The following ZBTB38 variants were observed in gnomAD, a reference collection of about 807,000 sequenced individuals.
ZBTB38 encodes the protein zinc finger and BTB domain-containing protein 38.
In ZBTB38, 20 loss-of-function variants were observed where a neutral mutation model predicts 76.8. That is an observed-to-expected ratio of 0.26 (90% CI 0.18 to 0.38). The LOEUF (loss-of-function observed/expected upper bound fraction) is 0.38. ZBTB38 is among the 10% of genes least tolerant of loss of function. ZBTB38 has a pLI of 1.00. For synonymous variants in ZBTB38, 504 were observed against 544.2 expected, an observed-to-expected ratio of 0.93 and a Z score of 1.03; for missense variants, 1,082 against 1,482.3, an observed-to-expected ratio of 0.73 and a Z score of 4.43.
intron 2 of ZBTB38, among the ~76,000 whole-genome samples, chr3:141,379,745 G>C (rs1945929294): frequency 1.3e-5 from 2 of 152,200 alleles, no homozygotes; most frequent in African/African-American, 4.8e-5. Context: ...GCAAACCAAA[G>C]AGGATAAAGG....
intron 1 of ZBTB38, among the ~76,000 whole-genome samples, chr3:141,325,726 A>G (rs954832793): frequency 6.6e-6 from 1 of 152,246 alleles, no homozygotes; most frequent in African/African-American, 2.4e-5. Flanking sequence ...TGTTTGCTAG[A>G]CTAATTGAGA....
At chr3:141,437,338 C>T (rs1314196559) in intron 5 of ZBTB38, among the ~76,000 whole-genome samples, 1 of 152,206 alleles carries the variant, frequency 6.6e-6, no homozygotes, top group Non-Finnish European at 1.5e-5. Flanking sequence ...CATACCACGT[C>T]CTTCTGCCTC....
chr3:141,331,496 GAT>G (rs1942850823), intron 1 of ZBTB38, among the ~76,000 whole-genome samples: 1 of 152,174 alleles, frequency 6.6e-6, no homozygotes, highest in Non-Finnish European at 1.5e-5. Flanking sequence ...GTACAGCACT[GAT>G]GTTTATGCCT....
At chr3:141,330,052 A>G (rs1942799665) in intron 1 of ZBTB38, among the ~76,000 whole-genome samples, 1 of 152,010 alleles carries the variant, frequency 6.6e-6, no homozygotes, top group Non-Finnish European at 1.5e-5. Flanking sequence ...TATTTTATAT[A>G]TATAAAATAA....
chr3:141,409,134 C>T (rs756153164), intron 5 of ZBTB38, among the ~76,000 whole-genome samples: 14 of 152,152 alleles, frequency 9.2e-5, no homozygotes, highest in Non-Finnish European at 2.1e-4. Context: ...CAACCTTTGC[C>T]TCCCGGGTTC....
upstream of ZBTB38, among the ~76,000 whole-genome samples, chr3:141,365,382 G>A (rs770112023): frequency 2.6e-4 from 40 of 152,136 alleles, no homozygotes; most frequent in Non-Finnish European, 5.0e-4. Flanking sequence ...TTGCTGGTGC[G>A]GACTCTCTGC....
intron 1 of ZBTB38, among the ~76,000 whole-genome samples, chr3:141,340,757 T>G (rs1486774675): frequency 6.6e-6 from 1 of 151,146 alleles, no homozygotes; most frequent in Non-Finnish European, 1.5e-5. Flanking sequence ...ATTAGCCGGG[T>G]GTGGTGGCGG....
chr3:141,331,640 T>C (rs1233405015), intron 1 of ZBTB38, among the ~76,000 whole-genome samples: 1 of 152,224 alleles, frequency 6.6e-6, no homozygotes, highest in Non-Finnish European at 1.5e-5. Flanking sequence ...TAGGAGAGAC[T>C]TCAACATGGG....
intron 4 of ZBTB38, among the ~76,000 whole-genome samples, chr3:141,400,251 T>G (rs142906138): frequency 1.4e-4 from 22 of 152,336 alleles, no homozygotes; most frequent in African/African-American, 4.1e-4. Flanking sequence ...TAGACTGTGT[T>G]GTTTAAAACT....
At chr3:141,381,982 TCTTA>T (rs1337039202) in intron 3 of ZBTB38, among the ~76,000 whole-genome samples, 29 of 152,352 alleles carry the variant, frequency 1.9e-4, no homozygotes, top group Admixed American at 1.8e-3. Context: ...GAGGAAAATC[TCTTA>T]CTTCAAAATT....
intron 1 of ZBTB38, among the ~76,000 whole-genome samples, chr3:141,327,950 T>C (rs1240561367): frequency 6.6e-6 from 1 of 152,218 alleles, no homozygotes; most frequent in Non-Finnish European, 1.5e-5. Flanking sequence ...AGAAATTTTA[T>C]AACCACATGC....
chr3:141,432,170 A>G (rs2077764051), intron 5 of ZBTB38: 1 of 985,506 alleles, frequency 1.0e-6, no homozygotes, highest in Non-Finnish European at 1.2e-6. Flanking sequence ...AGACCTGCGC[A>G]GTAGATTTCA....
At position 141,442,547 on chromosome 3, in the gene ZBTB38, T is replaced by C. The variant is rs923124840; in HGVS notation, c.159T>C (p.Ala53=). 2 of 1,614,134 alleles carry C rather than the reference T, an allele frequency of 1.2e-6. No homozygotes were observed. The highest frequency in any genetic ancestry group is 1.7e-6 in the Non-Finnish European group (2 of 1,180,050). The part of the protein sequence containing the change: ...KFKAHSNVLA[A]SSLYFKNIFW... ...AAGCCCATAGCAATGTTCTGGCAGC[T>C]TCAAGCCTGTATTTTAAAAATATCT... Residue 53 remains alanine, a synonymous_variant, in exon 6 of 6, where the codon GCT becomes GCC. Transcript: ENST00000321464. The surrounding 1 kb of genome is among the most constrained non-coding windows in gnomAD (Gnocchi z 6.4).
chr3:141,366,304 T>C (rs1376969792), upstream of ZBTB38: 2 of 152,152 alleles, frequency 1.3e-5, no homozygotes, highest in Non-Finnish European at 2.9e-5. Flanking sequence ...TAAATACCTG[T>C]GTATATGAAG....
intron 5 of ZBTB38, among the ~76,000 whole-genome samples, chr3:141,439,601 T>C (rs1374688547): frequency 6.6e-6 from 1 of 152,046 alleles, no homozygotes; most frequent in Non-Finnish European, 1.5e-5. Flanking sequence ...CACCCTAGAG[T>C]GTTCATTAGC....
At chr3:141,370,235 C>T (rs1181598586) in intron 2 of ZBTB38, among the ~76,000 whole-genome samples, 1 of 152,186 alleles carries the variant, frequency 6.6e-6, no homozygotes, top group Non-Finnish European at 1.5e-5. Context: ...AGGGGCTTTG[C>T]CTTCTGCAGC....
At chr3:141,397,743 G>A (rs972261653) in intron 4 of ZBTB38, among the ~76,000 whole-genome samples, 4 of 152,192 alleles carry the variant, frequency 2.6e-5, no homozygotes, top group African/African-American at 9.7e-5. Context: ...CAGTGGAACA[G>A]TCAGAACATA....
At position 141,336,925 on chromosome 3, in the gene ZBTB38, C is replaced by G. The variant is rs373618414; in HGVS notation, c.-739+12469C>G. ...TCACTAGGCAGGGAAAAGTAAATTC[C>G]TTCATTTTACTTCAAATGGGGTGTG... is the stretch of plus-strand genomic sequence containing the variant. On this transcript the variant is annotated intron_variant, in intron 1 of 7. Transcript: ENST00000509842. Among the ~76,000 whole-genome samples, 22 of 152,276 alleles carry G rather than the reference C, an allele frequency of 1.4e-4. No individual in the cohort carries two copies. The East Asian group carries it at 3.5e-3, about 24-fold the overall frequency.
intron 5 of ZBTB38, among the ~76,000 whole-genome samples, chr3:141,439,307 C>G (rs933810586): frequency 2.0e-5 from 3 of 152,198 alleles, no homozygotes; most frequent in African/African-American, 7.2e-5. Flanking sequence ...GAAGGCAAAT[C>G]AAGGTGCTAC....
Sources: gnomAD v4.1 joint callset for allele counts (sites outside exome capture counted in the v4.1 genomes callset) on GRCh38, gnomAD v4.1.1 for gene constraint, Gnocchi (gnomAD v3.1) non-coding constraint, MANE v1.5 for transcripts, NCBI Gene and HGNC (gene_info 2026-07-23, HGNC 2026-07-21) for gene names.